ARPIN: variants seen among roughly 807,000 people sequenced by gnomAD.
ARPIN encodes the protein actin related protein 2/3 complex inhibitor.
In ARPIN, 23 loss-of-function variants were observed where a neutral mutation model predicts 25.9. That is an observed-to-expected ratio of 0.89 (90% confidence interval 0.64 to 1.26). The LOEUF (loss-of-function observed/expected upper bound fraction) is 1.26. ARPIN is among the 50% of genes most tolerant of loss of function. ARPIN has a pLI of 0.00. For missense variants in ARPIN, 333 were observed against 312.2 expected (o/e 1.07, Z -0.50); for synonymous variants, 126 against 131.4 (o/e 0.96, Z 0.28).
chr15:89,911,732 G>A (rs1897227142), intron 1 of ARPIN, among the ~76,000 whole-genome samples: 1 of 152,070 alleles, frequency 6.6e-6, no homozygotes. Flanking sequence ...TGTACATTAG[G>A]TCCCCAGAAA....
In ARPIN at chr15:89,895,109, A is replaced by T. The variant is rs1341407803; in HGVS notation, c.*6686T>A. Reference sequence around the variant, plus strand: ...GAGTATCTTCAGAACAGTAAAAAAAAGAAGAAAAAAATATATATCTCAGCA... The same window carrying T: ...GAGTATCTTCAGAACAGTAAAAAAATGAAGAAAAAAATATATATCTCAGCA... On this transcript the variant is annotated 3_prime_UTR_variant, in exon 6 of 6. Coordinates refer to ENST00000357484, the MANE Select transcript of ARPIN (RefSeq NM_182616.4). The T allele has an allele frequency of 1.3e-5, 2 of 152,162 alleles. No homozygotes were observed. The highest frequency in any genetic ancestry group is 1.5e-5 in the Non-Finnish European group (1 of 68,044). 9.4% of individuals were successfully genotyped at this position (152,162 alleles called of 1,614,324 possible).
intron 1 of ARPIN, 82 bp downstream of exon 1, chr15:89,912,662 A>ATG: frequency 1.5e-6 from 1 of 661,662 alleles, no homozygotes; most frequent in South Asian, 2.9e-5. Flanking sequence ...CCCCACCCGC[A>ATG]TCCCACCCCC....
chr15:89,903,698 G>A, intron 4 of ARPIN, 79 bp downstream of exon 4: 1 of 1,579,316 alleles, frequency 6.3e-7, no homozygotes, highest in South Asian at 1.2e-5. Context: ...GCTCCCATGA[G>A]CTCTAGGCAG....
Position 89,903,069 on chromosome 15 carries a change from C to T in ARPIN, c.672+147G>A, listed in dbSNP as rs1897049494. On this transcript the variant is annotated intron_variant, in intron 5 of 5. Coordinates refer to ENST00000357484, the MANE Select transcript of ARPIN (RefSeq NM_182616.4). ...ATACCTTAGAGGAATTCTCCTGATGCTAACACATTCCCAGGTGTTTCACAG... is the reference window on the plus strand; with the variant it reads ...ATACCTTAGAGGAATTCTCCTGATGTTAACACATTCCCAGGTGTTTCACAG... 9.0e-6 allele frequency: 14 copies of T among 1,548,742 alleles called. No individual in the cohort carries two copies. In the South Asian group the frequency reaches 1.5e-4, roughly 16 times the overall value.
chr15:89,908,842 G>A (rs1472836435), intron 2 of ARPIN, among the ~76,000 whole-genome samples: 1 of 152,084 alleles, frequency 6.6e-6, no homozygotes, highest in Non-Finnish European at 1.5e-5. Flanking sequence ...AATTAGCCAG[G>A]TGTGGTGGCA....
intron 3 of ARPIN, among the ~76,000 whole-genome samples, chr15:89,904,967 G>A (rs1596234123): frequency 1.3e-5 from 2 of 151,624 alleles, no homozygotes; most frequent in South Asian, 4.2e-4. Context: ...TTCTTTGCAA[G>A]GTAACAGAAG....
chr15:89,902,599 G>C (rs546289792), intron 5 of ARPIN, among the ~76,000 whole-genome samples: 1 of 152,262 alleles, frequency 6.6e-6, no homozygotes, highest in Non-Finnish European at 1.5e-5. Flanking sequence ...AGCTACTTGG[G>C]AGGCTGAGGT....
intron 2 of ARPIN, 115 bp downstream of exon 2, chr15:89,910,629 G>A (rs1897206194): frequency 7.7e-7 from 1 of 1,299,694 alleles, no homozygotes; most frequent in Non-Finnish European, 1.1e-6. Context: ...TGCTTTCTAA[G>A]CCCATCAAGA....
chr15:89,910,948 T>A, intron 1 of ARPIN, 129 bp from the exon 2 acceptor site: 1 of 1,133,132 alleles, frequency 8.8e-7, no homozygotes, highest in Non-Finnish European at 1.3e-6. Flanking sequence ...GCTTCCGACA[T>A]AGGGATCTCC....
chr15:89,903,511 G>A, intron 4 of ARPIN, 132 bp from the exon 5 acceptor site: 1 of 1,472,026 alleles, frequency 6.8e-7, no homozygotes, highest in Non-Finnish European at 9.1e-7. Context: ...TGTGGTCAAT[G>A]AGCCCCTGGG....
At position 89,898,728 on chromosome 15, in the gene ARPIN, A is replaced by G. The variant is rs1243763289; in HGVS notation, c.*3067T>C. On this transcript the variant is annotated 3_prime_UTR_variant, in exon 6 of 6. Coordinates refer to ENST00000357484, the MANE Select transcript of ARPIN (RefSeq NM_182616.4). ...GACATTGTGATGAGCTCTGAGTTGT[A>G]TTAAGGAATTTGAACTTTTCATCTG... 1 of 151,944 alleles carries G rather than the reference A, an allele frequency of 6.6e-6. No homozygotes were observed. Among genetic ancestry groups the G allele is most frequent in the Non-Finnish European group, 1.5e-5 (1 of 68,012 alleles). 9.4% of individuals were successfully genotyped at this position (151,944 alleles called of 1,614,324 possible).
intron 2 of ARPIN, among the ~76,000 whole-genome samples, chr15:89,910,143 G>C (rs1284258163): frequency 6.6e-6 from 1 of 152,180 alleles, no homozygotes; most frequent in East Asian, 1.9e-4. Context: ...GGACATGCAG[G>C]CTCCATGTAG....
chr15:89,911,708 A>G (rs1897226755), intron 1 of ARPIN, among the ~76,000 whole-genome samples: 1 of 152,196 alleles, frequency 6.6e-6, no homozygotes, highest in East Asian at 1.9e-4. Context: ...GAACACACCC[A>G]CCAGACCCCA....
intron 5 of ARPIN, 89 bp downstream of exon 5, chr15:89,903,127 C>G: frequency 1.2e-6 from 2 of 1,612,604 alleles, no homozygotes; most frequent in Non-Finnish European, 1.7e-6. Flanking sequence ...AAGATTCATC[C>G]TGTCGTCTTC....
chr15:89,903,919 C>T lies in ARPIN; in HGVS notation c.366G>A (p.Lys122=), dbSNP rs1173127611. The stretch of plus-strand genomic sequence containing the variant: ...TCTCTGTCAGCGCGAGCAGCTCTGG[C>T]TTGTTGACCAGCCCCTTCAGCGCCT... The part of the protein sequence containing the change: ...TPEALKGLVN[K]PELLALTESL... The change falls in exon 4 of 6, where the codon AAG becomes AAA. Residue 122 remains lysine (K), a synonymous_variant. Transcript: ENST00000357484. The T allele has an allele frequency of 6.2e-7, 1 of 1,613,216 alleles. No individual in the cohort carries two copies. The highest frequency in any genetic ancestry group is 1.1e-5 in the South Asian group (1 of 91,088).
At chr15:89,910,630 C>G in intron 2 of ARPIN, 114 bp downstream of exon 2, 1 of 1,315,590 alleles carries the variant, frequency 7.6e-7, no homozygotes, top group Non-Finnish European at 1.1e-6. Context: ...GCTTTCTAAG[C>G]CCATCAAGAA....
intron 3 of ARPIN, among the ~76,000 whole-genome samples, chr15:89,906,029 C>G (rs1297291697): frequency 1.3e-5 from 2 of 152,072 alleles, no homozygotes; most frequent in South Asian, 4.1e-4. Context: ...GGCATCATCA[C>G]GACTCCTTCC....
chr15:89,908,335 C>T lies in ARPIN; in HGVS notation c.246G>A (p.Glu82=), dbSNP rs1355994695. 1 of 1,614,158 alleles carries T rather than the reference C, an allele frequency of 6.2e-7. No homozygotes were observed. Among genetic ancestry groups the T allele is most frequent in the Non-Finnish European group, 8.5e-7 (1 of 1,180,034 alleles). ...CCTTCCTGGTGGCGCTGAAGTTGGG[C>T]TCGATTTCATTTCCCTTGGCGTCGA... The part of the protein sequence containing the change: ...RKFDAKGNEI[E]PNFSATRKVN... The change falls in exon 3 of 6, where the codon GAG becomes GAA. Residue 82 remains glutamate, a synonymous_variant. Coordinates refer to ENST00000357484, the MANE Select transcript of ARPIN (RefSeq NM_182616.4).
At position 89,907,087 on chromosome 15, in the gene ARPIN, G is replaced by T. The variant is rs537962146; in HGVS notation, c.301+1193C>A. On this transcript the variant is annotated intron_variant, in intron 3 of 5. Transcript: ENST00000357484. ...ATTATTATTATTACTATTTTTTTTTGAAACGGAGTCTCACTCTGTTGCCTA... is the reference window on the plus strand; with the variant it reads ...ATTATTATTATTACTATTTTTTTTTTAAACGGAGTCTCACTCTGTTGCCTA... Among the ~76,000 whole-genome samples the T allele has an allele frequency of 3.2e-4, 45 of 139,788 alleles. 1 individual carries two copies. Among genetic ancestry groups the T allele is most frequent in the African/African-American group, 1.1e-3 (40 of 37,186 alleles). The allele number at this position is 139,788 out of a possible 152,430, so 91.7% of individuals were successfully genotyped here.
Sources: allele counts gnomAD v4.1 joint callset (sites outside exome capture counted in the v4.1 genomes callset), GRCh38; gene constraint gnomAD v4.1.1; transcripts MANE v1.5; gene names NCBI Gene and HGNC (gene_info 2026-07-23, HGNC 2026-07-21).